REDIC1: variants seen among roughly 807,000 people sequenced by gnomAD.
REDIC1 encodes regulator of DNA class I crossover intermediates 1, also known as HEI10 Interacting Protein 1.
chr12:39,893,606 C>T, the REDIC1 span, among the ~76,000 whole-genome samples: 1 of 152,110 alleles, frequency 6.6e-6, no homozygotes, highest in African/African-American at 2.4e-5. Context: ...AGGCCTACCG[C>T]TCTTTTCTAA....
the REDIC1 span, among the ~76,000 whole-genome samples, chr12:39,632,225 T>C: frequency 6.6e-6 from 1 of 151,792 alleles, no homozygotes; most frequent in African/African-American, 2.4e-5. Context: ...GCCTTCCGAG[T>C]AGCTGGGATT....
chr12:39,739,127 A>G, the REDIC1 span, among the ~76,000 whole-genome samples: 1 of 152,162 alleles, frequency 6.6e-6, no homozygotes, highest in Non-Finnish European at 1.5e-5. Flanking sequence ...TTTTACTTGG[A>G]ATTAATTTCA....
the REDIC1 span, among the ~76,000 whole-genome samples, chr12:39,855,430 G>T: frequency 1.3e-5 from 2 of 152,154 alleles, no homozygotes; most frequent in African/African-American, 4.8e-5. Context: ...CTCTCATGTA[G>T]GAAGCCTTCT....
At chr12:39,907,430 G>C in the REDIC1 span, among the ~76,000 whole-genome samples, 2 of 152,054 alleles carry the variant, frequency 1.3e-5, no homozygotes, top group Non-Finnish European at 2.9e-5. Context: ...AAATCTTTTT[G>C]TGTAGCACTC....
At chr12:39,853,871 T>C in the REDIC1 span, among the ~76,000 whole-genome samples, 1 of 152,200 alleles carries the variant, frequency 6.6e-6, no homozygotes, top group Non-Finnish European at 1.5e-5. Flanking sequence ...GTTAGTTCAA[T>C]TAAATGGCAT....
the REDIC1 span, among the ~76,000 whole-genome samples, chr12:39,654,259 A>C: frequency 6.6e-6 from 1 of 151,964 alleles, no homozygotes; most frequent in Non-Finnish European, 1.5e-5. Context: ...ATTTATTTTC[A>C]GGTGTCAAAC....
the REDIC1 span, among the ~76,000 whole-genome samples, chr12:39,808,051 A>C: frequency 6.6e-6 from 1 of 152,174 alleles, no homozygotes; most frequent in Non-Finnish European, 1.5e-5. Flanking sequence ...ACAATGTATA[A>C]ATCCATGTAA....
the REDIC1 span, among the ~76,000 whole-genome samples, chr12:39,795,337 TTATCA>T: frequency 1.3e-5 from 2 of 152,162 alleles, no homozygotes; most frequent in Non-Finnish European, 2.9e-5. Context: ...TAAACTTAAT[TTATCA>T]TATATTTCTT....
At chr12:39,683,896 T>C in the REDIC1 span, among the ~76,000 whole-genome samples, 1 of 152,112 alleles carries the variant, frequency 6.6e-6, no homozygotes, top group Non-Finnish European at 1.5e-5. Context: ...GCTTGGTTGG[T>C]ATAGAATCAC....
the REDIC1 span, among the ~76,000 whole-genome samples, chr12:39,732,701 G>A: frequency 1.2e-4 from 19 of 152,176 alleles, no homozygotes; most frequent in African/African-American, 2.4e-4. Flanking sequence ...CTCTGAAGAT[G>A]AGTATTATTT....
chr12:39,874,489 C>A, the REDIC1 span, among the ~76,000 whole-genome samples: 1 of 151,910 alleles, frequency 6.6e-6, no homozygotes, highest in African/African-American at 2.4e-5. Context: ...GTAGCGGGCA[C>A]CTGTAATCCT....
At chr12:39,702,820 C>T in the REDIC1 span, among the ~76,000 whole-genome samples, 1 of 152,112 alleles carries the variant, frequency 6.6e-6, no homozygotes, top group African/African-American at 2.4e-5. Context: ...GTAAACAGAA[C>T]CAAAGACAAA....
At chr12:39,893,005 G>T in the REDIC1 span, among the ~76,000 whole-genome samples, 2 of 152,016 alleles carry the variant, frequency 1.3e-5, no homozygotes, top group Admixed American at 6.5e-5. Flanking sequence ...GTTACAATTT[G>T]CTTTAAGCTA....
the REDIC1 span, among the ~76,000 whole-genome samples, chr12:39,896,236 GTATATATGTATA>G: frequency 5.0e-5 from 5 of 99,508 alleles, no homozygotes; most frequent in African/African-American, 1.8e-4. Flanking sequence ...ATGCATATGT[GTATATATGTATA>G]CATGTATGTA....
the REDIC1 span, among the ~76,000 whole-genome samples, chr12:39,712,119 T>TGTAC: frequency 0.049 from 6,547 of 132,426 alleles, 276 homozygotes; most frequent in Non-Finnish European, 0.075. Context: ...TATACCTGTA[T>TGTAC]ATATACCTGT....
the REDIC1 span, chr12:39,641,118 C>A: frequency 1.4e-6 from 1 of 690,984 alleles, no homozygotes; most frequent in East Asian, 2.8e-5. Context: ...CTTCTACATC[C>A]TTGTTGATAG....
the REDIC1 span, among the ~76,000 whole-genome samples, chr12:39,768,170 CTTT>C: frequency 1.3e-5 from 2 of 152,206 alleles, no homozygotes; most frequent in Middle Eastern, 3.4e-3. Flanking sequence ...TAGCCTCAAA[CTTT>C]TCTTCTACAG....
At chr12:39,747,684 T>G in the REDIC1 span, among the ~76,000 whole-genome samples, 6 of 152,132 alleles carry the variant, frequency 3.9e-5, no homozygotes, top group Admixed American at 3.3e-4. Flanking sequence ...AGAGAAAGGT[T>G]GGGTTACCCA....
At chr12:39,794,292 G>C in the REDIC1 span, among the ~76,000 whole-genome samples, 3 of 151,854 alleles carry the variant, frequency 2.0e-5, no homozygotes, top group African/African-American at 7.3e-5. Context: ...TACATTTTCT[G>C]TTGCATTTTG....
Sources: allele counts gnomAD v4.1 joint callset (sites outside exome capture counted in the v4.1 genomes callset), GRCh38; gene constraint gnomAD v4.1.1; transcripts MANE v1.5; gene names NCBI Gene and HGNC (gene_info 2026-07-23, HGNC 2026-07-21).